The following TCF12 variants were observed in gnomAD, a reference collection of about 807,000 sequenced individuals.
The protein encoded by TCF12 is DNA-binding protein HTF4.
A neutral mutation model predicts 86.0 loss-of-function variants in TCF12; 45 were observed. The observed-to-expected ratio is 0.52, with a 90% CI of 0.41 to 0.67. The LOEUF (loss-of-function observed/expected upper bound fraction) is 0.67, where lower values mean the gene tolerates loss of function less well. Ranked by LOEUF, TCF12 falls within the 30% of genes least tolerant of loss-of-function variation. The pLI is 0.00. For synonymous variants in TCF12, 330 were observed against 299.6 expected (o/e 1.10, Z -1.05); for missense variants, 881 against 859.9 (o/e 1.02, Z -0.31).
intron 3 of TCF12, among the ~76,000 whole-genome samples, chr15:57,061,649 G>A (rs1179914778): frequency 6.6e-6 from 1 of 152,066 alleles, no homozygotes; most frequent in African/African-American, 2.4e-5. Context: ...ATATTTATTA[G>A]TCATTTGATA....
rs12438324 is a variant in TCF12 at position 57,287,318 on chromosome 15, A to C, written c.*1173A>C. 6.6e-6 allele frequency: 1 copy of C among 152,640 alleles called. No individual in the cohort carries two copies. Among genetic ancestry groups the C allele is most frequent in the Non-Finnish European group, 1.5e-5 (1 of 68,052 alleles). The allele number at this position is 152,640 out of a possible 1,614,324, so 9.5% of individuals were successfully genotyped here. A position where few individuals can be genotyped will look rare whatever the true frequency, so the allele number is the denominator to read the frequency against. ...AATTACCTAATGGAATACAAGAGCA[A>C]TGGTCACCCGTATTTCCTTATCCTA... On this transcript the variant is annotated 3_prime_UTR_variant, in exon 21 of 21. Coordinates refer to ENST00000333725, the MANE Select transcript of TCF12 (RefSeq NM_207037.2).
At chr15:57,243,386 A>C in intron 12 of TCF12, 86 bp from the exon 13 acceptor site, 2 of 1,210,744 alleles carry the variant, frequency 1.7e-6, no homozygotes, top group Non-Finnish European at 2.4e-6. Flanking sequence ...TGACAACTAG[A>C]TTATAAAAAT....
chr15:57,086,954 T>G (rs1020826881), intron 4 of TCF12, among the ~76,000 whole-genome samples: 1 of 152,100 alleles, frequency 6.6e-6, no homozygotes, highest in Non-Finnish European at 1.5e-5. Flanking sequence ...CTTGTATTTT[T>G]GAGGTGAGAA....
chr15:56,946,257 TC>T (rs1485581658), intron 3 of TCF12, among the ~76,000 whole-genome samples: 1 of 152,310 alleles, frequency 6.6e-6, no homozygotes, highest in East Asian at 1.9e-4. Context: ...TTGATACTGT[TC>T]CACGGGTTCT....
intron 4 of TCF12, among the ~76,000 whole-genome samples, chr15:57,069,070 C>CT (rs2069148088): frequency 6.6e-6 from 1 of 152,022 alleles, no homozygotes; most frequent in South Asian, 2.1e-4. Flanking sequence ...GTTTCTCTGC[C>CT]TTTTTAACTG....
At chr15:57,119,041 G>C (rs1372059258) in intron 5 of TCF12, among the ~76,000 whole-genome samples, 1 of 152,050 alleles carries the variant, frequency 6.6e-6, no homozygotes, top group Non-Finnish European at 1.5e-5. Flanking sequence ...GGTTAGTCAT[G>C]AATTTGCAGT....
chr15:57,007,817 T>C (rs1405305733), intron 3 of TCF12, among the ~76,000 whole-genome samples: 2 of 145,372 alleles, frequency 1.4e-5, no homozygotes, highest in African/African-American at 5.1e-5. Context: ...TTTCTTTCTT[T>C]CTTTTTCTTT....
intron 6 of TCF12, among the ~76,000 whole-genome samples, chr15:57,172,305 A>G (rs1219716767): frequency 6.6e-6 from 1 of 152,250 alleles, no homozygotes; most frequent in Non-Finnish European, 1.5e-5. Flanking sequence ...GGAAAATTGA[A>G]TACTTCTGTC....
At chr15:57,093,560 T>C (rs1260350327) in intron 5 of TCF12, among the ~76,000 whole-genome samples, 1 of 152,216 alleles carries the variant, frequency 6.6e-6, no homozygotes, top group Non-Finnish European at 1.5e-5. Flanking sequence ...ATTAAAATTT[T>C]GTACGGGACA....
chr15:57,156,006 TTTTG>T (rs1386527865), intron 5 of TCF12, among the ~76,000 whole-genome samples: 1 of 152,180 alleles, frequency 6.6e-6, no homozygotes, highest in Non-Finnish European at 1.5e-5. Context: ...TTCATTGACA[TTTTG>T]TTTTTCTTAA....
chr15:57,022,025 A>G (rs535106903), intron 3 of TCF12, among the ~76,000 whole-genome samples: 2 of 152,154 alleles, frequency 1.3e-5, no homozygotes, highest in Admixed American at 6.5e-5. Flanking sequence ...CTGGTGATCA[A>G]TATTTGTCAG....
chr15:56,930,748 C>G (rs1301913919), intron 3 of TCF12, among the ~76,000 whole-genome samples: 5 of 151,422 alleles, frequency 3.3e-5, no homozygotes, highest in Non-Finnish European at 7.4e-5. Flanking sequence ...TTGTCAAGAT[C>G]CCCTTTTCCC....
intron 8 of TCF12, among the ~76,000 whole-genome samples, chr15:57,215,811 C>T (rs2058309422): frequency 6.6e-6 from 1 of 152,010 alleles, no homozygotes; most frequent in Admixed American, 6.6e-5. Context: ...TTGTAGTGAT[C>T]CAAATATCAG....
intron 3 of TCF12, among the ~76,000 whole-genome samples, chr15:57,011,212 G>T (rs1010958629): frequency 6.6e-6 from 1 of 152,198 alleles, no homozygotes; most frequent in Admixed American, 6.5e-5. Flanking sequence ...TGGAGGTGGG[G>T]TCCTGCTAGG....
chr15:57,149,266 T>C (rs919710826), intron 5 of TCF12, among the ~76,000 whole-genome samples: 8 of 152,182 alleles, frequency 5.3e-5, no homozygotes, highest in African/African-American at 1.7e-4. Context: ...TATATGTATG[T>C]GGGCAAGGGT....
At chr15:57,208,278 C>T (rs557660600) in intron 8 of TCF12, among the ~76,000 whole-genome samples, 3 of 151,768 alleles carry the variant, frequency 2.0e-5, no homozygotes, top group Admixed American at 1.3e-4. Context: ...GTGATCCACC[C>T]GCCTCAGCCT....
At chr15:56,921,431 AAGTT>A (rs1278357516) in intron 3 of TCF12, among the ~76,000 whole-genome samples, 2 of 131,174 alleles carry the variant, frequency 1.5e-5, no homozygotes, top group African/African-American at 5.7e-5. Flanking sequence ...TGTTTAGAGT[AAGTT>A]AAAGTAGATC....
At chr15:56,922,135 G>T (rs2059822484) in intron 3 of TCF12, among the ~76,000 whole-genome samples, 2 of 151,934 alleles carry the variant, frequency 1.3e-5, no homozygotes, top group South Asian at 4.2e-4. Context: ...TTTTTGGGGA[G>T]GGGGGAGAAA....
At chr15:57,222,718 G>A (rs1443290768) in intron 8 of TCF12, among the ~76,000 whole-genome samples, 1 of 138,796 alleles carries the variant, frequency 7.2e-6, no homozygotes, top group Non-Finnish European at 1.5e-5. Flanking sequence ...AGTCTTGAGA[G>A]CAAAGGAAAG....
Sources: allele counts gnomAD v4.1 joint callset (sites outside exome capture counted in the v4.1 genomes callset), GRCh38; gene constraint gnomAD v4.1.1; transcripts MANE v1.5; gene names NCBI Gene and HGNC (gene_info 2026-07-23, HGNC 2026-07-21).